The following MICU2 variants were observed in gnomAD, a reference collection of about 807,000 sequenced individuals.
MICU2 encodes the protein mitochondrial calcium uptake 2.
A neutral mutation model predicts 60.4 loss-of-function variants in MICU2; 64 were observed. The observed-to-expected ratio is 1.06, with a 90% CI of 0.87 to 1.31. The LOEUF is 1.31. Ranked by LOEUF, MICU2 falls within the 50% of genes most tolerant of loss-of-function variation. The pLI is 0.00. For synonymous variants in MICU2, 201 were observed against 175.0 expected (o/e 1.15, Z -1.17); for missense variants, 569 against 531.0 (o/e 1.07, Z -0.70).
At chr13:21,576,567 T>G (rs1455380080) in intron 1 of MICU2, among the ~76,000 whole-genome samples, 1 of 152,226 alleles carries the variant, frequency 6.6e-6, no homozygotes, top group Non-Finnish European at 1.5e-5. Context: ...AGTCTGTAGC[T>G]GTATTTTACA....
intron 2 of MICU2, among the ~76,000 whole-genome samples, chr13:21,540,710 GATAATTTTTACTC>G (rs1466878742): frequency 6.6e-6 from 1 of 152,028 alleles, no homozygotes; most frequent in Non-Finnish European, 1.5e-5. Context: ...GTTATTTTGG[GATAATTTTTACTC>G]ACTGGAGAAA....
intron 8 of MICU2, 102 bp from the exon 9 acceptor site, chr13:21,503,199 C>T: frequency 1.3e-6 from 1 of 791,712 alleles, no homozygotes; most frequent in Non-Finnish European, 2.0e-6. Context: ...TACTGAGTGG[C>T]TGCCTCCTGA....
intron 11 of MICU2, among the ~76,000 whole-genome samples, chr13:21,493,784 TAAAA>T (rs111899635): frequency 7.0e-6 from 1 of 143,300 alleles, no homozygotes; most frequent in Non-Finnish European, 1.5e-5. Context: ...TGGCTAAAAT[TAAAA>T]AAAAAAAAGG....
intron 1 of MICU2, among the ~76,000 whole-genome samples, chr13:21,574,613 G>A (rs1010518215): frequency 6.6e-6 from 1 of 152,096 alleles, no homozygotes; most frequent in Non-Finnish European, 1.5e-5. Context: ...AACATTCTTT[G>A]GTCTCCACAT....
intron 6 of MICU2, among the ~76,000 whole-genome samples, chr13:21,518,606 G>C (rs1257073320): frequency 6.6e-6 from 1 of 152,176 alleles, no homozygotes; most frequent in Non-Finnish European, 1.5e-5. Flanking sequence ...TCCCAAGTCT[G>C]AAAGGATTAT....
intron 3 of MICU2, 125 bp downstream of exon 3, chr13:21,539,532 T>C (rs1363725733): frequency 2.2e-6 from 3 of 1,366,434 alleles, no homozygotes; most frequent in Non-Finnish European, 2.1e-6. Context: ...TCTCCTGACC[T>C]CGTGATCCGC....
chr13:21,539,332 A>G lies in MICU2; in HGVS notation c.436T>C (p.Ser146Pro). Residue 146 changes from serine to proline, a missense_variant, in exon 4 of 12, where the codon TCA (serine) becomes CCA (proline). Physicochemically the swap from Ser to Pro is moderately conservative, Grantham distance 74. Coordinates refer to ENST00000382374, the MANE Select transcript of MICU2 (RefSeq NM_152726.3). The part of the protein sequence containing the change: ...LSGIQTAGCG[S>P]TFFRDLGDKG... ...TCGCCAAGGTCTCTGAAAAAAGTTG[A>G]TCCACAGCCAGCTGTTTGGATCCCT... The G allele has an allele frequency of 1.2e-6, 2 of 1,614,090 alleles. No homozygotes were observed. The highest frequency in any genetic ancestry group is 1.7e-6 in the Non-Finnish European group (2 of 1,179,988).
intron 1 of MICU2, among the ~76,000 whole-genome samples, chr13:21,581,815 A>G (rs1888354301): frequency 6.6e-6 from 1 of 152,214 alleles, no homozygotes; most frequent in African/African-American, 2.4e-5. Flanking sequence ...CAGGTCGTCT[A>G]AAAATGTCAC....
intron 2 of MICU2, 58 bp from the exon 3 acceptor site, chr13:21,539,746 C>A (rs949636990): frequency 8.6e-5 from 125 of 1,449,404 alleles, no homozygotes; most frequent in Non-Finnish European, 1.1e-4. Flanking sequence ...ACTCAACTTG[C>A]ACTAAGAAAG....
intron 1 of MICU2, among the ~76,000 whole-genome samples, chr13:21,597,717 G>A (rs1174701148): frequency 1.2e-4 from 18 of 152,034 alleles, no homozygotes; most frequent in African/African-American, 4.3e-4. Flanking sequence ...GGATCACGAG[G>A]TCAGGAGATT....
At chr13:21,554,141 A>G (rs960878827) in intron 2 of MICU2, among the ~76,000 whole-genome samples, 2 of 152,202 alleles carry the variant, frequency 1.3e-5, no homozygotes, top group Non-Finnish European at 2.9e-5. Context: ...AAAGTTAATA[A>G]GGATATCCGG....
At chr13:21,545,104 T>C (rs1407874509) in intron 2 of MICU2, among the ~76,000 whole-genome samples, 1 of 151,992 alleles carries the variant, frequency 6.6e-6, no homozygotes, top group Non-Finnish European at 1.5e-5. Context: ...GAAAAAACAA[T>C]CAATACATCA....
chr13:21,546,869 A>T (rs968339776), intron 2 of MICU2, among the ~76,000 whole-genome samples: 3 of 152,244 alleles, frequency 2.0e-5, no homozygotes, highest in Admixed American at 6.5e-5. Flanking sequence ...ACTTACTATT[A>T]GTTCTAATAG....
chr13:21,509,120 CT>C (rs1185906851), intron 8 of MICU2, among the ~76,000 whole-genome samples: 1 of 152,162 alleles, frequency 6.6e-6, no homozygotes, highest in Non-Finnish European at 1.5e-5. Context: ...TTCTGTACTG[CT>C]TTTTGATATC....
intron 8 of MICU2, among the ~76,000 whole-genome samples, chr13:21,507,146 GTTAAT>G (rs1370773043): frequency 1.3e-5 from 2 of 151,992 alleles, no homozygotes; most frequent in African/African-American, 4.8e-5. Context: ...TAAAGTTTTT[GTTAAT>G]TTAATTGGAT....
chr13:21,504,888 G>T (rs1414995993), intron 8 of MICU2, among the ~76,000 whole-genome samples: 4 of 152,098 alleles, frequency 2.6e-5, no homozygotes, highest in African/African-American at 9.7e-5. Context: ...TGTTTTTCCT[G>T]AGACAGATGA....
chr13:21,500,967 A>C (rs1001627599), intron 9 of MICU2, among the ~76,000 whole-genome samples: 2 of 151,996 alleles, frequency 1.3e-5, no homozygotes, highest in Non-Finnish European at 2.9e-5. Context: ...TTCTACACTT[A>C]CTCAGTTTCA....
At chr13:21,499,203 G>A (rs760905555) in intron 9 of MICU2, among the ~76,000 whole-genome samples, 11 of 151,798 alleles carry the variant, frequency 7.2e-5, no homozygotes, top group African/African-American at 2.2e-4. Flanking sequence ...CACCTGCCTC[G>A]GCCTCCCAAA....
intron 2 of MICU2, among the ~76,000 whole-genome samples, chr13:21,558,043 T>A (rs1331578825): frequency 6.6e-6 from 1 of 152,224 alleles, no homozygotes; most frequent in Admixed American, 6.5e-5. Flanking sequence ...AATATTTTGT[T>A]ATAAAAACTC....
Sources: allele counts gnomAD v4.1 joint callset (sites outside exome capture counted in the v4.1 genomes callset), GRCh38; gene constraint gnomAD v4.1.1; transcripts MANE v1.5; gene names NCBI Gene and HGNC (gene_info 2026-07-23, HGNC 2026-07-21).